Variants in TBC1D22B observed in about 807,000 individuals in gnomAD.
TBC1D22B encodes TBC1 domain family member 22B, also known as chromosome 6 open reading frame 197.
In TBC1D22B, 32 loss-of-function variants were observed where a neutral mutation model predicts 69.1. The observed-to-expected ratio is 0.46, with a 90% confidence interval of 0.35 to 0.62. The LOEUF is 0.62. TBC1D22B is among the 20% of genes least tolerant of loss of function. The pLI is 0.00. For missense variants in TBC1D22B, 462 were observed against 630.9 expected (o/e 0.73, Z 2.87); for synonymous variants, 206 against 229.8 (o/e 0.90, Z 0.94).
intron 10 of TBC1D22B, among the ~76,000 whole-genome samples, chr6:37,315,523 T>C (rs1768051628): frequency 6.6e-6 from 1 of 151,518 alleles, no homozygotes. Flanking sequence ...CACCACTGTA[T>C]TCCAGCCAGG....
chr6:37,321,999 G>A (rs1430512849), intron 12 of TBC1D22B, among the ~76,000 whole-genome samples: 1 of 152,232 alleles, frequency 6.6e-6, no homozygotes, highest in Non-Finnish European at 1.5e-5. Context: ...GACAATGTAA[G>A]AGCGCTCGAA....
intron 9 of TBC1D22B, 40 bp from the exon 10 acceptor site, chr6:37,313,776 T>G: frequency 6.3e-7 from 1 of 1,586,554 alleles, no homozygotes; most frequent in Non-Finnish European, 8.7e-7. Flanking sequence ...ATAACACAAG[T>G]TAGAGTCCAT....
intron 1 of TBC1D22B, among the ~76,000 whole-genome samples, chr6:37,259,525 T>C (rs1765995864): frequency 6.6e-6 from 1 of 152,222 alleles, no homozygotes; most frequent in Non-Finnish European, 1.5e-5. Flanking sequence ...CATGGGCTTC[T>C]GTGCCTTCTG....
chr6:37,282,843 G>A (rs773410459), intron 4 of TBC1D22B, 39 bp from the exon 5 acceptor site: 1 of 1,606,146 alleles, frequency 6.2e-7, no homozygotes, highest in Non-Finnish European at 8.5e-7. Flanking sequence ...TAGAGCATTT[G>A]TGGAGAGTTA....
At chr6:37,314,785 C>T (rs533596051) in intron 10 of TBC1D22B, among the ~76,000 whole-genome samples, 1 of 151,332 alleles carries the variant, frequency 6.6e-6, no homozygotes, top group East Asian at 1.9e-4. Context: ...CCCACCCCCA[C>T]CCCCAACATT....
intron 2 of TBC1D22B, among the ~76,000 whole-genome samples, chr6:37,270,623 A>G (rs975142995): frequency 1.3e-5 from 2 of 152,142 alleles, no homozygotes; most frequent in Non-Finnish European, 1.5e-5. Flanking sequence ...CTCATGGACC[A>G]TCACTGAGCC....
In TBC1D22B at chr6:37,282,207, A is replaced by C; in HGVS notation, c.444A>C (p.Pro148=). 1.2e-6 allele frequency: 2 copies of C among 1,612,524 alleles called. No homozygotes were observed. Among genetic ancestry groups the C allele is most frequent in the Non-Finnish European group, 1.7e-6 (2 of 1,179,632 alleles). ...CAGGTGATACATGCCTGAGGAACCC[A>C]CTCCACAAACAGCAATCACTCCCTC... The part of the protein sequence containing the change: ...RNSSDTCLRN[P]LHKQQSLPLR... Residue 148 remains proline (P), a synonymous_variant, in exon 4 of 13, where the codon CCA becomes CCC. Transcript: ENST00000373491.
intron 12 of TBC1D22B, chr6:37,324,213 A>G (rs776743227): frequency 5.7e-5 from 25 of 441,584 alleles, no homozygotes; most frequent in African/African-American, 4.6e-4. Flanking sequence ...CACATATTTA[A>G]TGTTCTTTTG....
Position 37,327,384 on chromosome 6 carries a change from A to C in TBC1D22B, c.1390-3660A>C, listed in dbSNP as rs991041283. 1.1e-3 allele frequency among the ~76,000 whole-genome samples: 124 copies of C among 116,964 alleles called. 12 individuals are homozygous for C. In the South Asian group the frequency reaches 0.013, roughly 12 times the overall value. 76.7% of individuals were successfully genotyped at this position (116,964 alleles called of 152,430 possible). The stretch of plus-strand genomic sequence containing the variant: ...TCCCAGCTGCTCGGGAGGCTGAGGC[A>C]GGAGAATGGCGTGAACCCGGGAGGC... On this transcript the variant is annotated intron_variant, in intron 12 of 12. Coordinates refer to ENST00000373491, the MANE Select transcript of TBC1D22B (RefSeq NM_017772.4).
chr6:37,268,784 A>G (rs79502029), intron 1 of TBC1D22B, among the ~76,000 whole-genome samples: 16 of 152,350 alleles, frequency 1.1e-4, no homozygotes, highest in African/African-American at 3.6e-4. Context: ...TATAAGTCGA[A>G]TCATAACAGT....
At chr6:37,275,960 T>TTTTTTC (rs1766656711) in intron 2 of TBC1D22B, among the ~76,000 whole-genome samples, 2 of 149,246 alleles carry the variant, frequency 1.3e-5, no homozygotes, top group African/African-American at 5.1e-5. Context: ...ATTCTTTTCT[T>TTTTTTC]TTTTTCTTTT....
At chr6:37,271,770 C>T (rs1457405538) in intron 2 of TBC1D22B, among the ~76,000 whole-genome samples, 2 of 150,962 alleles carry the variant, frequency 1.3e-5, no homozygotes, top group African/African-American at 2.4e-5. Flanking sequence ...GTTCTTTTTG[C>T]GATTTGGTGT....
intron 12 of TBC1D22B, among the ~76,000 whole-genome samples, chr6:37,329,663 A>G (rs1768527002): frequency 6.6e-6 from 1 of 152,238 alleles, no homozygotes; most frequent in Non-Finnish European, 1.5e-5. Context: ...CTAACAGTCT[A>G]AGTGTAAGCA....
At chr6:37,288,864 G>A (rs940551508) in intron 7 of TBC1D22B, among the ~76,000 whole-genome samples, 1 of 151,830 alleles carries the variant, frequency 6.6e-6, no homozygotes, top group Non-Finnish European at 1.5e-5. Flanking sequence ...TCATCTAGCA[G>A]GCTACAGTCA....
At chr6:37,260,644 C>G (rs1218628130) in intron 1 of TBC1D22B, among the ~76,000 whole-genome samples, 1 of 152,144 alleles carries the variant, frequency 6.6e-6, no homozygotes, top group African/African-American at 2.4e-5. Flanking sequence ...CAGTCACTCC[C>G]CATCCACCCC....
chr6:37,327,346 T>C (rs185866999), intron 12 of TBC1D22B, among the ~76,000 whole-genome samples: 3,990 of 132,798 alleles, frequency 0.03, 348 homozygotes, highest in African/African-American at 0.075. Flanking sequence ...GGCGTGGTGG[T>C]GGGCGCCTGT....
intron 2 of TBC1D22B, 76 bp downstream of exon 2, chr6:37,269,726 G>T: frequency 7.2e-7 from 1 of 1,397,454 alleles, no homozygotes; most frequent in Non-Finnish European, 1.0e-6. Context: ...TGAAATGACA[G>T]TTTCCACCTT....
intron 2 of TBC1D22B, among the ~76,000 whole-genome samples, chr6:37,272,801 C>T (rs965803808): frequency 6.6e-6 from 1 of 152,184 alleles, no homozygotes; most frequent in South Asian, 2.1e-4. Context: ...GGTCTGTTGG[C>T]CAGTGAGGCA....
Position 37,279,622 on chromosome 6 carries a change from C to A in TBC1D22B, c.421+11C>A. 1 of 1,596,372 alleles carries A rather than the reference C, an allele frequency of 6.3e-7. No individual in the cohort carries two copies. Among genetic ancestry groups the A allele is most frequent in the South Asian group, 1.1e-5 (1 of 88,972 alleles). ...TGTCCAGAAACTCTAGTAAGTCCTT[C>A]CTGCTCCCTTCATAGCCTCAGCCTT... On this transcript the variant is annotated intron_variant, in intron 3 of 12. Transcript: ENST00000373491.
Sources: gnomAD v4.1 joint callset for allele counts (sites outside exome capture counted in the v4.1 genomes callset) on GRCh38, gnomAD v4.1.1 for gene constraint, MANE v1.5 for transcripts, NCBI Gene and HGNC (gene_info 2026-07-23, HGNC 2026-07-21) for gene names.